The following SLC25A48 variants were observed in gnomAD, a reference collection of about 807,000 sequenced individuals.
SLC25A48 encodes CTC-321K16.1.
Under a neutral mutation model 32.2 loss-of-function variants are expected in SLC25A48, and 29 were observed. The ratio of observed to expected loss-of-function variants is 0.90; its 90% CI spans 0.67 to 1.23. The LOEUF is 1.23. SLC25A48 is among the 50% of genes most tolerant of loss of function. The pLI is 0.00. For synonymous variants in SLC25A48, 164 were observed against 172.3 expected, an observed-to-expected ratio of 0.95 and a Z score of 0.38; for missense variants, 399 against 422.7, an observed-to-expected ratio of 0.94 and a Z score of 0.49.
chr5:135,845,250 C>T (rs899731773), intron 2 of SLC25A48, among the ~76,000 whole-genome samples: 3 of 152,206 alleles, frequency 2.0e-5, no homozygotes, highest in Admixed American at 1.3e-4. Context: ...CTTCATATGG[C>T]CTCCCCTCTG....
chr5:135,835,955 G>A (rs185195409), intron 1 of SLC25A48, among the ~76,000 whole-genome samples: 38 of 152,316 alleles, frequency 2.5e-4, no homozygotes, highest in Non-Finnish European at 3.8e-4. Context: ...ATGCCCTTGG[G>A]TGGGGCTGAG....
intron 1 of SLC25A48, among the ~76,000 whole-genome samples, chr5:135,602,004 G>A (rs1240862157): frequency 6.6e-6 from 1 of 152,182 alleles, no homozygotes; most frequent in Non-Finnish European, 1.5e-5. Flanking sequence ...CTGCCACTTA[G>A]TAGGAGCTCA....
chr5:135,766,330 C>A (rs1339860246), intron 3 of SLC25A48, among the ~76,000 whole-genome samples: 1 of 142,108 alleles, frequency 7.0e-6, no homozygotes, highest in African/African-American at 2.6e-5. Flanking sequence ...TGTACACCCC[C>A]CTGTAATATG....
intron 1 of SLC25A48, among the ~76,000 whole-genome samples, chr5:135,835,491 G>A (rs1209000149): frequency 1.3e-5 from 2 of 152,154 alleles, no homozygotes; most frequent in East Asian, 1.9e-4. Flanking sequence ...CCCCTTCTCC[G>A]GGCACTGTTG....
At chr5:135,668,098 A>G (rs541534659) in intron 3 of SLC25A48, among the ~76,000 whole-genome samples, 12 of 152,302 alleles carry the variant, frequency 7.9e-5, no homozygotes, top group Middle Eastern at 6.8e-3. Flanking sequence ...GGCTTCATTC[A>G]CACTCTAAGA....
chr5:135,864,738 T>C (rs1761061380), intron 4 of SLC25A48, among the ~76,000 whole-genome samples: 1 of 152,248 alleles, frequency 6.6e-6, no homozygotes, highest in Non-Finnish European at 1.5e-5. Context: ...TTGTCCCACA[T>C]AGTTACCAGA....
intron 3 of SLC25A48, among the ~76,000 whole-genome samples, chr5:135,703,744 G>A (rs1010232886): frequency 2.6e-5 from 4 of 152,196 alleles, no homozygotes; most frequent in Non-Finnish European, 5.9e-5. Flanking sequence ...CTGCCAGACC[G>A]TGGGCTCTGT....
chr5:135,831,658 G>A (rs780874601), upstream of SLC25A48, among the ~76,000 whole-genome samples: 3 of 152,184 alleles, frequency 2.0e-5, no homozygotes, highest in Admixed American at 6.5e-5. Flanking sequence ...TAGCATGTGC[G>A]CAGTCACACA....
At position 135,707,660 on chromosome 5, in the gene SLC25A48, C is replaced by A. The variant is rs970248888; in HGVS notation, c.-521+72704C>A. On this transcript the variant is annotated intron_variant, in intron 3 of 10. Coordinates refer to the SLC25A48 transcript ENST00000646290. ...CTCAGGTCCTTGCTCCAACATCACT[C>A]TTCAGAGAGGCCACCTGTGACCCCC... Among the ~76,000 whole-genome samples, 4 of 152,194 alleles carry A rather than the reference C, an allele frequency of 2.6e-5. No homozygotes were observed. In the South Asian group the frequency reaches 8.3e-4, roughly 32 times the overall value.
intron 3 of SLC25A48, among the ~76,000 whole-genome samples, chr5:135,767,966 AG>A (rs1561483332): frequency 6.0e-4 from 80 of 133,304 alleles, no homozygotes; most frequent in Admixed American, 2.3e-3. Flanking sequence ...CGGGGGGGGG[AG>A]AGGATAATAT....
intron 3 of SLC25A48, among the ~76,000 whole-genome samples, chr5:135,685,714 G>A (rs1349162256): frequency 5.3e-5 from 8 of 152,256 alleles, no homozygotes; most frequent in South Asian, 2.1e-4. Flanking sequence ...GTGAGCCACC[G>A]CACCCAGCCT....
At chr5:135,860,320 T>A (rs946721487) in intron 4 of SLC25A48, among the ~76,000 whole-genome samples, 11 of 152,216 alleles carry the variant, frequency 7.2e-5, no homozygotes, top group African/African-American at 2.7e-4. Context: ...CCTCTTTCGA[T>A]TGAAACCTGG....
chr5:135,861,489 A>G (rs1760794955), intron 4 of SLC25A48, among the ~76,000 whole-genome samples: 2 of 152,226 alleles, frequency 1.3e-5, no homozygotes, highest in Admixed American at 6.5e-5. Flanking sequence ...AGCAGGCATA[A>G]CTATAGTAGC....
chr5:135,739,361 T>G (rs907361490), intron 3 of SLC25A48, among the ~76,000 whole-genome samples: 1 of 152,148 alleles, frequency 6.6e-6, no homozygotes, highest in Non-Finnish European at 1.5e-5. Flanking sequence ...TAGTAGAAGA[T>G]GGTGTGTTAC....
At chr5:135,673,561 AAT>A (rs1228570203) in intron 3 of SLC25A48, among the ~76,000 whole-genome samples, 1 of 152,002 alleles carries the variant, frequency 6.6e-6, no homozygotes, top group Non-Finnish European at 1.5e-5. Flanking sequence ...TTTTAAACTG[AAT>A]TTTTTGTCTT....
intron 4 of SLC25A48, among the ~76,000 whole-genome samples, chr5:135,860,066 A>C (rs1021540994): frequency 6.6e-6 from 1 of 152,200 alleles, no homozygotes; most frequent in Non-Finnish European, 1.5e-5. Flanking sequence ...GGCGATTATC[A>C]TTTAAAGTAT....
chr5:135,709,518 C>A (rs1754602637), intron 3 of SLC25A48, among the ~76,000 whole-genome samples: 2 of 152,228 alleles, frequency 1.3e-5, no homozygotes, highest in African/African-American at 4.8e-5. Context: ...ACAGAAAGGG[C>A]AAGGCCCTGG....
At chr5:135,788,145 A>G (rs1756899747) in intron 3 of SLC25A48, among the ~76,000 whole-genome samples, 1 of 151,006 alleles carries the variant, frequency 6.6e-6, no homozygotes, top group Non-Finnish European at 1.5e-5. Context: ...CCCCTGGCAT[A>G]TGGTCCGTAA....
rs149211905 is a variant in SLC25A48, at chr5:135,856,662, C to T, written c.421+3841C>T. On this transcript the variant is annotated intron_variant, in intron 4 of 7. Transcript: ENST00000681962. ...TGGGGCCATCAGGGAGACACAGGGC[C>T]GGCAGTTCTTCACCTTCATCTTCAG... Among the ~76,000 whole-genome samples the T allele has an allele frequency of 4.0e-4, 61 of 152,322 alleles. No homozygotes were observed. In the East Asian group the frequency reaches 8.7e-3, roughly 22 times the overall value.
Sources: gnomAD v4.1 joint callset for allele counts (sites outside exome capture counted in the v4.1 genomes callset) on GRCh38, gnomAD v4.1.1 for gene constraint, MANE v1.5 for transcripts, NCBI Gene and HGNC (gene_info 2026-07-23, HGNC 2026-07-21) for gene names.